Variants in FSIP1 observed in about 807,000 individuals in gnomAD.
FSIP1 encodes the protein fibrous sheath-interacting protein 1.
A neutral mutation model predicts 60.9 loss-of-function variants in FSIP1; 65 were observed. The observed-to-expected ratio is 1.07, with a 90% CI of 0.87 to 1.31. The LOEUF (loss-of-function observed/expected upper bound fraction) is 1.31. FSIP1 is among the 40% of genes most tolerant of loss of function. The pLI is 0.00. For missense variants in FSIP1, 675 were observed against 665.5 expected (o/e 1.01, Z -0.16); for synonymous variants, 209 against 221.2 (o/e 0.94, Z 0.49).
intron 3 of FSIP1, among the ~76,000 whole-genome samples, chr15:39,765,995 T>C (rs917558783): frequency 2.0e-5 from 3 of 152,248 alleles, no homozygotes; most frequent in African/African-American, 2.4e-5. Context: ...CTTTCAAATA[T>C]GTAACAAATT....
At chr15:39,725,183 A>T (rs1363970926) in intron 9 of FSIP1, among the ~76,000 whole-genome samples, 1 of 152,230 alleles carries the variant, frequency 6.6e-6, no homozygotes, top group Non-Finnish European at 1.5e-5. Context: ...GTGAGCCGAG[A>T]TCGCGCCACT....
intron 10 of FSIP1, among the ~76,000 whole-genome samples, chr15:39,638,729 G>T (rs1047029846): frequency 1.3e-5 from 2 of 152,140 alleles, no homozygotes; most frequent in Non-Finnish European, 2.9e-5. Context: ...AAGGGGAAAA[G>T]AAGGTAATAA....
chr15:39,617,775 G>T lies in FSIP1; in HGVS notation c.1659C>A (p.Asp553Glu). 1 of 1,613,764 alleles carries T rather than the reference G, an allele frequency of 6.2e-7. No homozygotes were observed. Among genetic ancestry groups the T allele is most frequent in the African/African-American group, 1.3e-5 (1 of 75,018 alleles). The change falls in exon 11 of 12, where the codon GAC becomes GAA. Residue 553 changes from aspartate (D) to glutamate (E), a missense_variant. Transcript: ENST00000350221. ...CTGGAGAACTGAGTTTCAGATGTTG[G>T]TCTTCTGATGAAAGGCTCACACTGA... The part of the protein sequence containing the change: ...YGISVSLSSE[D>E]QHLKLSSPEN...
rs115159316 is a variant in FSIP1, at chr15:39,627,447, A to T, written c.1189-9202T>A. Reference sequence around the variant, plus strand: ...GCTGGCCACTTCTAGGCTTGTACAAACCAGAAGTGCAAGAGAATTCATGCC... The same window carrying T: ...GCTGGCCACTTCTAGGCTTGTACAATCCAGAAGTGCAAGAGAATTCATGCC... On this transcript the variant is annotated intron_variant, in intron 10 of 11. Coordinates refer to ENST00000350221, the MANE Select transcript of FSIP1 (RefSeq NM_152597.5). 3.6e-3 allele frequency among the ~76,000 whole-genome samples: 550 copies of T among 152,320 alleles called. 5 individuals carry two copies. Among genetic ancestry groups the T allele is most frequent in the African/African-American group, 0.013 (529 of 41,562 alleles).
intron 10 of FSIP1, 129 bp downstream of exon 10, chr15:39,713,315 C>T: frequency 1.4e-6 from 1 of 728,362 alleles, no homozygotes; most frequent in Middle Eastern, 3.9e-4. Flanking sequence ...ACCTGTAATC[C>T]TAGCACTTTG....
chr15:39,756,323 T>G (rs1292045770), intron 5 of FSIP1, among the ~76,000 whole-genome samples: 1 of 152,078 alleles, frequency 6.6e-6, no homozygotes, highest in Non-Finnish European at 1.5e-5. Context: ...TGAAAACAGG[T>G]TGGAAATTGC....
chr15:39,663,321 T>C (rs1029956801), intron 10 of FSIP1, among the ~76,000 whole-genome samples: 1 of 152,148 alleles, frequency 6.6e-6, no homozygotes, highest in African/African-American at 2.4e-5. Context: ...AAATAATTGA[T>C]ATCACAAGGG....
At chr15:39,770,291 CT>C in intron 3 of FSIP1, 135 bp downstream of exon 3, 1 of 545,302 alleles carries the variant, frequency 1.8e-6, no homozygotes, top group Non-Finnish European at 3.0e-6. Context: ...CACAAATAGT[CT>C]ATGTCTTTTT....
At chr15:39,770,250 T>C (rs1897834170) in intron 3 of FSIP1, among the ~76,000 whole-genome samples, 177 bp downstream of exon 3, 1 of 152,236 alleles carries the variant, frequency 6.6e-6, no homozygotes, top group Non-Finnish European at 1.5e-5. Context: ...GGGCTCTTAA[T>C]ATTGTTATAA....
chr15:39,758,568 A>T (rs1897377580), intron 5 of FSIP1, among the ~76,000 whole-genome samples: 2 of 152,094 alleles, frequency 1.3e-5, no homozygotes, highest in Non-Finnish European at 2.9e-5. Context: ...TTACTGATAA[A>T]CATTGAATGA....
At chr15:39,765,043 C>T (rs8182052) in intron 4 of FSIP1, among the ~76,000 whole-genome samples, 11,665 of 152,112 alleles carry the variant, frequency 0.077, 642 homozygotes, top group East Asian at 0.25. Context: ...GAGATGAACA[C>T]GCCAGCGCAG....
At chr15:39,647,043 T>C (rs1214461012) in intron 10 of FSIP1, among the ~76,000 whole-genome samples, 1 of 146,568 alleles carries the variant, frequency 6.8e-6, no homozygotes, top group Non-Finnish European at 1.5e-5. Context: ...TACATGAAGA[T>C]AGAATAAAGT....
chr15:39,748,591 T>C (rs1897070838), intron 5 of FSIP1, among the ~76,000 whole-genome samples: 1 of 152,066 alleles, frequency 6.6e-6, no homozygotes, highest in Non-Finnish European at 1.5e-5. Context: ...AATGCACACA[T>C]CCAAATGTCT....
chr15:39,758,237 G>A (rs1260285425), intron 5 of FSIP1, among the ~76,000 whole-genome samples: 2 of 152,054 alleles, frequency 1.3e-5, no homozygotes, highest in Non-Finnish European at 2.9e-5. Context: ...AAGGGCAACT[G>A]AAAACAAATG....
intron 1 of FSIP1, among the ~76,000 whole-genome samples, chr15:39,782,134 C>T (rs897418780): frequency 1.3e-5 from 2 of 152,238 alleles, no homozygotes; most frequent in African/African-American, 4.8e-5. Flanking sequence ...CACTACTTCC[C>T]CTACACTGGG....
intron 8 of FSIP1, among the ~76,000 whole-genome samples, chr15:39,729,126 A>G (rs114712186): frequency 0.013 from 2,056 of 152,306 alleles, 50 homozygotes; most frequent in African/African-American, 0.047. Context: ...AAAAACACCT[A>G]TACACTGCTG....
chr15:39,658,300 T>A (rs1297516943), intron 10 of FSIP1, among the ~76,000 whole-genome samples: 1 of 144,526 alleles, frequency 6.9e-6, no homozygotes, highest in Non-Finnish European at 1.5e-5. Flanking sequence ...TCACCCAGGC[T>A]GGAGTATAGT....
rs140120025 is a variant in FSIP1 at position 39,765,731 on chromosome 15, T to C, written c.326A>G (p.Lys109Arg). The part of the protein sequence containing the change: ...ISECSDEPKL[K>R]ELDSQLQDAI... The stretch of plus-strand genomic sequence containing the variant: ...ATCTTGAAGTTGAGAATCTAATTCT[T>C]TTAATTTGGGTTCATCTATATTGTG... Residue 109 changes from lysine (K) to arginine (R), a missense_variant, in exon 4 of 12, where the codon AAA (lysine) becomes AGA (arginine). By Grantham distance (26) the Lys-to-Arg change is conservative. Transcript: ENST00000350221. The C allele has an allele frequency of 7.4e-5, 113 of 1,529,854 alleles. No individual in the cohort carries two copies. The African/African-American group carries it at 1.5e-3, about 20-fold the overall frequency. The allele number at this position is 1,529,854 out of a possible 1,614,324, so 94.8% of individuals were successfully genotyped here. A position where few individuals can be genotyped will look rare whatever the true frequency, so the allele number is the denominator to read the frequency against.
At chr15:39,667,679 G>C (rs912928368) in intron 10 of FSIP1, among the ~76,000 whole-genome samples, 1 of 152,098 alleles carries the variant, frequency 6.6e-6, no homozygotes, top group South Asian at 2.1e-4. Flanking sequence ...GAGAGTGAGA[G>C]AGAGAGACCC....
Sources: gnomAD v4.1 joint callset for allele counts (sites outside exome capture counted in the v4.1 genomes callset) on GRCh38, gnomAD v4.1.1 for gene constraint, MANE v1.5 for transcripts, NCBI Gene and HGNC (gene_info 2026-07-23, HGNC 2026-07-21) for gene names.